The following LATS1 variants were observed in gnomAD, a reference collection of about 807,000 sequenced individuals.
LATS1 encodes large tumor suppressor kinase 1.
In LATS1, 25 loss-of-function variants were observed where a neutral mutation model predicts 106.6. The observed-to-expected ratio is 0.23, with a 90% CI of 0.17 to 0.33. LATS1 has a LOEUF of 0.33. Ranked by LOEUF, LATS1 falls within the 10% of genes least tolerant of loss-of-function variation. LATS1 has a pLI of 1.00. For synonymous variants in LATS1, 465 were observed against 455.6 expected (o/e 1.02, Z -0.26); for missense variants, 1,040 against 1,382.6 (o/e 0.75, Z 3.93).
chr6:149,715,314 C>G (rs1402223345), intron 1 of LATS1, among the ~76,000 whole-genome samples: 1 of 152,138 alleles, frequency 6.6e-6, no homozygotes, highest in Admixed American at 6.6e-5. Context: ...GGTAATCCGC[C>G]CTCCTTGGCC....
intron 1 of LATS1, among the ~76,000 whole-genome samples, chr6:149,709,949 C>T (rs1211720632): frequency 6.6e-6 from 1 of 152,080 alleles, no homozygotes; most frequent in Non-Finnish European, 1.5e-5. Context: ...GTTGGGATTA[C>T]AGGCGTGAGC....
chr6:149,697,136 A>G, intron 2 of LATS1: 1 of 1,347,968 alleles, frequency 7.4e-7, no homozygotes. Context: ...TTTAAATGAG[A>G]AATGGCTTAG....
intron 2 of LATS1, among the ~76,000 whole-genome samples, chr6:149,695,606 G>A (rs1213316809): frequency 6.6e-6 from 1 of 151,664 alleles, no homozygotes; most frequent in African/African-American, 2.4e-5. Flanking sequence ...GAACCTGGGA[G>A]GTGGATGTTG....
rs968741000 is a variant in LATS1, at chr6:149,659,853, T to G, written c.*1876A>C. On this transcript the variant is annotated 3_prime_UTR_variant, in exon 8 of 8. Coordinates refer to ENST00000543571, the MANE Select transcript of LATS1 (RefSeq NM_004690.4). ...TGATTAGAAATCCTTCAGAAATATT[T>G]CTGTATCAAGCTTGTAATGAGCCTA... 3.5e-5 allele frequency: 8 copies of G among 226,714 alleles called. No homozygotes were observed. The highest frequency in any genetic ancestry group is 1.6e-4 in the African/African-American group (7 of 45,034). 14.0% of individuals were successfully genotyped at this position (226,714 alleles called of 1,614,324 possible).
intron 7 of LATS1, among the ~76,000 whole-genome samples, chr6:149,670,299 TAGA>T (rs1385561870): frequency 1.3e-5 from 2 of 150,712 alleles, no homozygotes; most frequent in African/African-American, 4.9e-5. Flanking sequence ...AAAACCACAG[TAGA>T]AGGAGACATC....
At chr6:149,678,506 C>T (rs1333813135) in intron 5 of LATS1, among the ~76,000 whole-genome samples, 1 of 152,138 alleles carries the variant, frequency 6.6e-6, no homozygotes, top group Non-Finnish European at 1.5e-5. Flanking sequence ...TCCACTATGT[C>T]GAACATTAAA....
intron 1 of LATS1, among the ~76,000 whole-genome samples, chr6:149,711,901 C>A (rs1457421568): frequency 6.6e-6 from 1 of 152,018 alleles, no homozygotes; most frequent in Non-Finnish European, 1.5e-5. Flanking sequence ...TACTGTGGCC[C>A]TTGTGTACTG....
intron 2 of LATS1, among the ~76,000 whole-genome samples, chr6:149,698,316 T>A (rs1162068345): frequency 6.8e-6 from 1 of 146,546 alleles, no homozygotes; most frequent in African/African-American, 2.5e-5. Flanking sequence ...CAACCACAAC[T>A]CATTGCGACC....
chr6:149,684,101 T>C lies in LATS1; in HGVS notation c.988A>G (p.Ile330Val), dbSNP rs766445284. Residue 330 changes from isoleucine (I) to valine (V), a missense_variant, in exon 4 of 8, where the codon ATC (isoleucine) becomes GTC (valine). Physicochemically the swap from Ile to Val is conservative, Grantham distance 29. Transcript: ENST00000543571. The stretch of plus-strand genomic sequence containing the variant: ...AATTTGCTAGAACTCTGCATGATGA[T>C]TGGTTGTCTGCCAACAGGAACAGAA... ...ISSVPVGRQP[I>V]IMQSSSKFNF... 35 of 1,614,046 alleles carry C rather than the reference T, an allele frequency of 2.2e-5. 1 individual carries two copies. In the East Asian group the frequency reaches 4.2e-4, roughly 20 times the overall value.
At chr6:149,664,394 G>A (rs1187006899) in intron 7 of LATS1, among the ~76,000 whole-genome samples, 1 of 152,094 alleles carries the variant, frequency 6.6e-6, no homozygotes, top group Admixed American at 6.6e-5. Context: ...TCCCCAAATC[G>A]ATGAAAGTCA....
chr6:149,713,976 A>G (rs1418231132), intron 1 of LATS1, among the ~76,000 whole-genome samples: 4 of 146,342 alleles, frequency 2.7e-5, no homozygotes, highest in Non-Finnish European at 6.0e-5. Flanking sequence ...TTTTTCTTTT[A>G]TCATTATTAC....
At chr6:149,702,828 C>G (rs575443437) in intron 1 of LATS1, among the ~76,000 whole-genome samples, 6 of 152,110 alleles carry the variant, frequency 3.9e-5, no homozygotes, top group African/African-American at 1.2e-4. Context: ...CCCGCCACCA[C>G]GCCCAGCTAA....
rs1350497679 is a variant in LATS1, at chr6:149,690,460, G to A, written c.496+4614C>T. Among the ~76,000 whole-genome samples, 6 of 151,650 alleles carry A rather than the reference G, an allele frequency of 4.0e-5. No individual in the cohort carries two copies. The East Asian group carries it at 9.7e-4, about 24-fold the overall frequency. Reference sequence around the variant, plus strand: ...ACTCCCAACCTCAGGTGATCCACCCGCCCCAGCCTCCCAAAGTGCTGGGAT... The same window carrying A: ...ACTCCCAACCTCAGGTGATCCACCCACCCCAGCCTCCCAAAGTGCTGGGAT... On this transcript the variant is annotated intron_variant, in intron 3 of 7. Coordinates refer to ENST00000543571, the MANE Select transcript of LATS1 (RefSeq NM_004690.4).
chr6:149,675,199 G>A (rs1170740755), intron 7 of LATS1, among the ~76,000 whole-genome samples: 2 of 141,184 alleles, frequency 1.4e-5, no homozygotes, highest in African/African-American at 5.4e-5. Flanking sequence ...CCTGATGACA[G>A]AGCAAGACTC....
intron 7 of LATS1, among the ~76,000 whole-genome samples, chr6:149,665,075 G>A (rs572789533): frequency 3.6e-4 from 55 of 152,250 alleles, no homozygotes; most frequent in African/African-American, 1.3e-3. Context: ...AACAAAGCAT[G>A]GGGCTGGGTG....
intron 7 of LATS1, among the ~76,000 whole-genome samples, chr6:149,673,418 C>T (rs1246705703): frequency 6.6e-6 from 1 of 151,800 alleles, no homozygotes; most frequent in Non-Finnish European, 1.5e-5. Context: ...CTTTTCATTG[C>T]TGTATTATGC....
At chr6:149,712,482 C>T (rs974436698) in intron 1 of LATS1, among the ~76,000 whole-genome samples, 2 of 152,124 alleles carry the variant, frequency 1.3e-5, no homozygotes, top group African/African-American at 4.8e-5. Context: ...CAGGTGTGAG[C>T]CACTGCGCCC....
chr6:149,698,591 C>T (rs190308038), intron 2 of LATS1, among the ~76,000 whole-genome samples: 1 of 151,362 alleles, frequency 6.6e-6, no homozygotes, highest in East Asian at 1.9e-4. Flanking sequence ...CACTCTGTCG[C>T]CCAGGCTGGA....
Position 149,684,412 on chromosome 6 carries a change from G to A in LATS1, c.677C>T (p.Ala226Val), listed in dbSNP as rs113592023. Residue 226 changes from alanine (A) to valine (V), a missense_variant, in exon 4 of 8, where the codon GCT becomes GTT. Ala to Val is a moderately conservative substitution (Grantham distance 64). Coordinates refer to ENST00000543571, the MANE Select transcript of LATS1 (RefSeq NM_004690.4). Reference sequence around the variant, plus strand: ...CACTCTCTGTCCGTTGCTAGGGTGAGCTTGAACAAATGCTGATATACCAGA... The same window carrying A: ...CACTCTCTGTCCGTTGCTAGGGTGAACTTGAACAAATGCTGATATACCAGA... ...SGSGISAFVQ[A>V]HPSNGQRVNP... 1.2e-6 allele frequency: 2 copies of A among 1,614,074 alleles called. No homozygotes were observed. The highest frequency in any genetic ancestry group is 1.3e-5 in the African/African-American group (1 of 75,014).
Sources: gnomAD v4.1 joint callset for allele counts (sites outside exome capture counted in the v4.1 genomes callset) on GRCh38, gnomAD v4.1.1 for gene constraint, MANE v1.5 for transcripts, NCBI Gene and HGNC (gene_info 2026-07-23, HGNC 2026-07-21) for gene names.